PLXNA4: variants seen among roughly 807,000 people sequenced by gnomAD.
The protein encoded by PLXNA4 is plexin A4.
PLXNA4 carries 44 observed loss-of-function variants against 191.8 expected under a neutral mutation model. The ratio of observed to expected loss-of-function variants is 0.23; its 90% CI spans 0.18 to 0.29. The LOEUF (loss-of-function observed/expected upper bound fraction) is 0.29. Among genes scored for constraint, PLXNA4 ranks in the 10% least tolerant of loss-of-function variants. PLXNA4 has a pLI of 1.00. For missense variants in PLXNA4, 1,800 were observed against 2,488.8 expected (o/e 0.72, Z 5.89); for synonymous variants, 1,082 against 1,009.5 (o/e 1.07, Z -1.36).
At chr7:132,330,042 C>A (rs1048814708) in intron 3 of PLXNA4, among the ~76,000 whole-genome samples, 9 of 152,162 alleles carry the variant, frequency 5.9e-5, no homozygotes, top group African/African-American at 2.2e-4. Flanking sequence ...GAAAGTGCCA[C>A]GGACATGCAG....
At chr7:132,635,003 C>T (rs1803568893) in intron 2 of PLXNA4, among the ~76,000 whole-genome samples, 1 of 151,988 alleles carries the variant, frequency 6.6e-6, no homozygotes, top group Non-Finnish European at 1.5e-5. Flanking sequence ...CTGGCCTAGC[C>T]TCCCAGCCTA....
intron 15 of PLXNA4, among the ~76,000 whole-genome samples, chr7:132,185,943 T>C (rs1664152006): frequency 6.6e-6 from 1 of 152,230 alleles, no homozygotes; most frequent in Non-Finnish European, 1.5e-5. Flanking sequence ...CTGTTTTCCC[T>C]GATGCAGTAG....
At chr7:132,448,965 A>G (rs1796012504) in intron 3 of PLXNA4, among the ~76,000 whole-genome samples, 2 of 152,256 alleles carry the variant, frequency 1.3e-5, no homozygotes, top group Admixed American at 6.5e-5. Flanking sequence ...CTGGTAAGAT[A>G]TTAATGTTAC....
chr7:132,603,387 A>C (rs780171537), intron 2 of PLXNA4, among the ~76,000 whole-genome samples: 42 of 152,274 alleles, frequency 2.8e-4, no homozygotes, highest in Admixed American at 7.2e-4. Context: ...TCCGTAAATC[A>C]CTTCTGCCCA....
intron 1 of PLXNA4, among the ~76,000 whole-genome samples, chr7:132,539,044 C>T (rs1267500290): frequency 3.3e-5 from 5 of 152,182 alleles, no homozygotes; most frequent in Admixed American, 2.0e-4. Context: ...TGCCTGTTTC[C>T]CTGTGACTGC....
chr7:132,556,738 C>T lies in PLXNA4; in HGVS notation c.-87+19684G>A, dbSNP rs116371714. Among the ~76,000 whole-genome samples the T allele has an allele frequency of 9.1e-3, 1,380 of 152,324 alleles. 29 individuals are homozygous for T. The highest frequency in any genetic ancestry group is 0.031 in the African/African-American group (1,301 of 41,570). On this transcript the variant is annotated intron_variant, in intron 1 of 31. Transcript: ENST00000321063. ...AAAGGGTTCCGTCCTTGGCGCTGTGCTGTTTCATACTTTTATCCGTAAGTT... is the reference window on the plus strand; with the variant it reads ...AAAGGGTTCCGTCCTTGGCGCTGTGTTGTTTCATACTTTTATCCGTAAGTT...
chr7:132,281,320 G>A (rs1042987756), intron 4 of PLXNA4, among the ~76,000 whole-genome samples: 2 of 152,046 alleles, frequency 1.3e-5, no homozygotes, highest in Admixed American at 6.5e-5. Flanking sequence ...TCAGTCTCAT[G>A]CACCAATTAT....
intron 2 of PLXNA4, among the ~76,000 whole-genome samples, chr7:132,643,070 A>G (rs976121642): frequency 1.3e-5 from 2 of 152,124 alleles, no homozygotes; most frequent in African/African-American, 4.8e-5. Context: ...ATGGTCTGCC[A>G]TTGAATCTTT....
chr7:132,550,350 T>C (rs535439933), intron 1 of PLXNA4, among the ~76,000 whole-genome samples: 2 of 152,272 alleles, frequency 1.3e-5, no homozygotes, highest in African/African-American at 4.8e-5. Flanking sequence ...TAAGTTACTC[T>C]CTGTGTTTCC....
rs1794783114 is a variant in PLXNA4 at position 132,126,906 on chromosome 7, G to GAAGT, written c.*3569_*3572dup. On this transcript the variant is annotated 3_prime_UTR_variant, in exon 32 of 32. Coordinates refer to ENST00000321063, the MANE Select transcript of PLXNA4 (RefSeq NM_020911.2). ...GAAGGCAAGAAAATATTTTCCTGAGGAAGTAACTGGCATGATGGCCACCTT... is the reference window on the plus strand; with the variant it reads ...GAAGGCAAGAAAATATTTTCCTGAGGAAGTAAGTAACTGGCATGATGGCCACCTT... 1 of 152,138 alleles carries GAAGT rather than the reference G, an allele frequency of 6.6e-6. No individual in the cohort carries two copies. The highest frequency in any genetic ancestry group is 2.4e-5 in the African/African-American group (1 of 41,414). 9.4% of individuals were successfully genotyped at this position (152,138 alleles called of 1,614,324 possible).
intron 4 of PLXNA4, among the ~76,000 whole-genome samples, chr7:132,250,596 T>A (rs866212889): frequency 6.6e-6 from 1 of 152,178 alleles, no homozygotes; most frequent in South Asian, 2.1e-4. Flanking sequence ...CTTCCAGGGC[T>A]GCGGGGTTGC....
Position 132,491,288 on chromosome 7 carries a change from G to A in PLXNA4, c.1189-1814C>T, listed in dbSNP as rs114984446. Among the ~76,000 whole-genome samples, 803 of 152,314 alleles carry A rather than the reference G, an allele frequency of 5.3e-3. 12 individuals carry two copies. Among genetic ancestry groups the A allele is most frequent in the African/African-American group, 0.018 (745 of 41,556 alleles). ...AGGCTTCAATCCAGCCAAAGGAAAG[G>A]GCATCTGGAGAACAGCAGGCAGGCT... On this transcript the variant is annotated intron_variant, in intron 2 of 31. Transcript: ENST00000321063.
intron 2 of PLXNA4, among the ~76,000 whole-genome samples, chr7:132,504,744 G>C (rs1193631535): frequency 6.6e-6 from 1 of 152,168 alleles, no homozygotes; most frequent in African/African-American, 2.4e-5. Context: ...AGGGCTCAAG[G>C]GAGTGTCAGA....
chr7:132,304,923 G>T (rs1363650754), intron 3 of PLXNA4, among the ~76,000 whole-genome samples: 1 of 152,162 alleles, frequency 6.6e-6, no homozygotes, highest in African/African-American at 2.4e-5. Flanking sequence ...CAGCTGTATG[G>T]TCCCCATCAA....
At chr7:132,476,609 T>C (rs940430711) in intron 3 of PLXNA4, among the ~76,000 whole-genome samples, 1 of 152,170 alleles carries the variant, frequency 6.6e-6, no homozygotes, top group Admixed American at 6.5e-5. Flanking sequence ...TCCTGAGAAA[T>C]GGAATTTAAT....
At chr7:132,358,412 C>T (rs1019767288) in intron 3 of PLXNA4, among the ~76,000 whole-genome samples, 1 of 152,260 alleles carries the variant, frequency 6.6e-6, no homozygotes. Context: ...AAAGATATTG[C>T]CTGCCAGTGT....
At chr7:132,221,480 A>G (rs1798143398) in intron 9 of PLXNA4, among the ~76,000 whole-genome samples, 1 of 152,152 alleles carries the variant, frequency 6.6e-6, no homozygotes, top group African/African-American at 2.4e-5. Flanking sequence ...GATTCTTCTC[A>G]CATCCCTGTC....
chr7:132,142,054 G>A (rs1025850594), intron 29 of PLXNA4, among the ~76,000 whole-genome samples: 58 of 152,300 alleles, frequency 3.8e-4, no homozygotes, highest in African/African-American at 1.2e-3. Flanking sequence ...GCAGGGTGAG[G>A]CCTGGAGGAA....
intron 3 of PLXNA4, among the ~76,000 whole-genome samples, chr7:132,380,820 A>C (rs903538205): frequency 6.6e-6 from 1 of 152,230 alleles, no homozygotes; most frequent in Admixed American, 6.5e-5. Context: ...CTCTGGGTCT[A>C]TGTCTATCAA....
Sources: allele counts gnomAD v4.1 joint callset (sites outside exome capture counted in the v4.1 genomes callset), GRCh38; gene constraint gnomAD v4.1.1; transcripts MANE v1.5; gene names NCBI Gene and HGNC (gene_info 2026-07-23, HGNC 2026-07-21).